PVT1: variants seen among roughly 807,000 people sequenced by gnomAD.
The protein encoded by PVT1 is CXCR4/PVT1 fusion.
At chr8:127,857,908 C>T (rs1477176250) in intron 2 of PVT1, among the ~76,000 whole-genome samples, 1 of 152,140 alleles carries the variant, frequency 6.6e-6, no homozygotes, top group Non-Finnish European at 1.5e-5. Flanking sequence ...TCAAAGTGCT[C>T]TGATTCGTAT....
chr8:128,067,362 A>G (rs969107155), intron 4 of PVT1, among the ~76,000 whole-genome samples: 4 of 152,138 alleles, frequency 2.6e-5, no homozygotes, highest in South Asian at 2.1e-4. Flanking sequence ...TCTAATGGGC[A>G]TTGTCCAGCC....
chr8:127,882,619 G>A (rs929217779), intron 2 of PVT1, among the ~76,000 whole-genome samples: 10 of 152,090 alleles, frequency 6.6e-5, no homozygotes, highest in African/African-American at 2.4e-4. Flanking sequence ...AGGTAGCTGG[G>A]ATTACAGGTG....
At position 128,043,675 on chromosome 8, in the gene PVT1, G is replaced by A. The variant is rs115322397; in HGVS notation, n.913-26485G>A. Among the ~76,000 whole-genome samples the A allele has an allele frequency of 5.8e-3, 873 of 151,754 alleles. 12 individuals carry two copies. Among genetic ancestry groups the A allele is most frequent in the African/African-American group, 0.02 (844 of 41,322 alleles). On this transcript the variant is annotated intron_variant and non_coding_transcript_variant, in intron 4 of 10. Coordinates refer to ENST00000651587, the Ensembl canonical transcript of PVT1. ...TTTCAACATCTTAATTTTTTCAGTC[G>A]ATAATTATATTTTGGAGATCTTTGT...
At chr8:127,975,495 G>C (rs1816814054) in intron 3 of PVT1, among the ~76,000 whole-genome samples, 1 of 152,146 alleles carries the variant, frequency 6.6e-6, no homozygotes, top group African/African-American at 2.4e-5. Context: ...TTTCCATGTG[G>C]ATGCCTTCAA....
chr8:127,815,679 A>T (rs969711717), intron 2 of PVT1, among the ~76,000 whole-genome samples: 1 of 152,220 alleles, frequency 6.6e-6, no homozygotes, highest in South Asian at 2.1e-4. Flanking sequence ...ATCCCAACAT[A>T]TTGAATCACC....
chr8:128,031,015 C>T (rs1344381630), intron 4 of PVT1, among the ~76,000 whole-genome samples: 1 of 152,236 alleles, frequency 6.6e-6, no homozygotes, highest in African/African-American at 2.4e-5. Flanking sequence ...CACCAAAGTT[C>T]TCCCAACCAT....
At chr8:127,996,894 C>T (rs1038429078) in intron 4 of PVT1, among the ~76,000 whole-genome samples, 1 of 152,048 alleles carries the variant, frequency 6.6e-6, no homozygotes, top group Admixed American at 6.5e-5. Flanking sequence ...GGGAAGAAGG[C>T]TCTTGGCTCT....
chr8:128,008,484 A>G (rs914601918), intron 4 of PVT1, among the ~76,000 whole-genome samples: 15 of 152,350 alleles, frequency 9.8e-5, no homozygotes, highest in African/African-American at 3.6e-4. Context: ...TTAGCTCCAG[A>G]AAGAACTGTC....
chr8:127,855,270 G>A (rs926771333), intron 2 of PVT1: 1 of 398,686 alleles, frequency 2.5e-6, no homozygotes, highest in African/African-American at 2.1e-5. Flanking sequence ...TTTCATCGCT[G>A]AGGTGGATGG....
chr8:128,013,921 G>A (rs920497389), intron 4 of PVT1, among the ~76,000 whole-genome samples: 1 of 152,208 alleles, frequency 6.6e-6, no homozygotes, highest in Admixed American at 6.5e-5. Flanking sequence ...CTGAGATGCT[G>A]TGTTAAATCC....
chr8:127,995,638 G>A (rs560179950), intron 4 of PVT1, among the ~76,000 whole-genome samples: 21 of 152,294 alleles, frequency 1.4e-4, no homozygotes, highest in African/African-American at 3.8e-4. Flanking sequence ...GGTGATGGTC[G>A]TGTTAGTACT....
chr8:127,822,029 T>G (rs1228985461), intron 2 of PVT1, among the ~76,000 whole-genome samples: 1 of 152,176 alleles, frequency 6.6e-6, no homozygotes, highest in African/African-American at 2.4e-5. Context: ...TTGACTAAAT[T>G]GTTTAAACTC....
chr8:127,886,338 C>T (rs1472240716), intron 2 of PVT1, among the ~76,000 whole-genome samples: 2 of 152,068 alleles, frequency 1.3e-5, no homozygotes, highest in African/African-American at 4.8e-5. Context: ...TGCTGATATT[C>T]TTATATCTAT....
At chr8:128,036,589 G>A (rs529164452) in intron 4 of PVT1, among the ~76,000 whole-genome samples, 1 of 152,158 alleles carries the variant, frequency 6.6e-6, no homozygotes, top group Admixed American at 6.5e-5. Context: ...CAGTAGTTTA[G>A]TGGCTATTCT....
intron 3 of PVT1, among the ~76,000 whole-genome samples, chr8:127,935,155 G>A (rs1374972556): frequency 1.3e-5 from 2 of 152,042 alleles, no homozygotes; most frequent in African/African-American, 2.4e-5. Flanking sequence ...TAGTAGAGAC[G>A]GGGTTTCTCC....
intron 3 of PVT1, among the ~76,000 whole-genome samples, chr8:127,937,576 C>CAGAGAG (rs774441674): frequency 0.026 from 3,144 of 121,988 alleles, 61 homozygotes; most frequent in Middle Eastern, 0.093. Flanking sequence ...CACACACACA[C>CAGAGAG]ACACAGAGAG....
At chr8:127,865,418 G>A (rs1219795329) in intron 2 of PVT1, among the ~76,000 whole-genome samples, 2 of 152,184 alleles carry the variant, frequency 1.3e-5, no homozygotes, top group Admixed American at 1.3e-4. Context: ...GTCACAGGTG[G>A]AATTAAAGCT....
intron 3 of PVT1, among the ~76,000 whole-genome samples, chr8:127,906,953 C>CT (rs561274568): frequency 0.021 from 2,724 of 132,636 alleles, 43 homozygotes; most frequent in African/African-American, 0.046. Flanking sequence ...GGCACTCTCT[C>CT]TTTTTTTTTT....
At chr8:128,005,981 T>TA (rs1817241827) in intron 4 of PVT1, among the ~76,000 whole-genome samples, 1 of 151,934 alleles carries the variant, frequency 6.6e-6, no homozygotes, top group African/African-American at 2.4e-5. Context: ...TGCGCGCCTG[T>TA]AGTCCCAGCT....
Sources: allele counts gnomAD v4.1 joint callset (sites outside exome capture counted in the v4.1 genomes callset), GRCh38; gene constraint gnomAD v4.1.1; transcripts MANE v1.5; gene names NCBI Gene and HGNC (gene_info 2026-07-23, HGNC 2026-07-21).